Variants in PER3 observed in about 807,000 individuals in gnomAD.
The protein encoded by PER3 is period circadian regulator 3.
In PER3, 107 loss-of-function variants were observed where a neutral mutation model predicts 127.2. That is an observed-to-expected ratio of 0.84 (90% confidence interval 0.72 to 0.99). The LOEUF is 0.99. Among genes scored for constraint, PER3 ranks in the 50% least tolerant of loss-of-function variants. The pLI is 0.00. For synonymous variants in PER3, 618 were observed against 585.8 expected (o/e 1.05, Z -0.79); for missense variants, 1,560 against 1,525.8 (o/e 1.02, Z -0.37).
At position 7,803,114 on chromosome 1, in the gene PER3, C is replaced by G; in HGVS notation, c.940C>G (p.Pro314Ala). 1 of 1,613,360 alleles carries G rather than the reference C, an allele frequency of 6.2e-7. No homozygotes were observed. Among genetic ancestry groups the G allele is most frequent in the Non-Finnish European group, 8.5e-7 (1 of 1,179,378 alleles). ...IGTSILSYLH[P>A]EDRSLMVAIH... ...AACATCGATCCTAAGCTACCTGCAC[C>G]CTGAAGATCGTTCTCTGATGGTTGC... Residue 314 changes from proline (P) to alanine (A), a missense_variant, in exon 9 of 22, where the codon CCT (proline) becomes GCT (alanine). Pro to Ala is a conservative substitution (Grantham distance 27). Coordinates refer to ENST00000377532, the MANE Select transcript of PER3 (RefSeq NM_001377275.1).
At chr1:7,806,809 A>AT (rs57068554) in intron 10 of PER3, among the ~76,000 whole-genome samples, 8,714 of 79,758 alleles carry the variant, frequency 0.11, 314 homozygotes, top group South Asian at 0.18. Context: ...AAAAAAAAAA[A>AT]AAAATATATA....
chr1:7,830,791 T>A lies in PER3; in HGVS notation c.3214+630T>A, dbSNP rs150408257. Among the ~76,000 whole-genome samples, 9 of 152,306 alleles carry A rather than the reference T, an allele frequency of 5.9e-5. No individual in the cohort carries two copies. The East Asian group carries it at 1.7e-3, about 29-fold the overall frequency. On this transcript the variant is annotated intron_variant, in intron 19 of 21. Transcript: ENST00000377532. ...TGAAAATAACTTGACCATACACGTG[T>A]GGGTGTATTTCTGGACTCTCTTTTC...
At chr1:7,832,566 G>T (rs1342270875) in intron 19 of PER3, among the ~76,000 whole-genome samples, 1 of 151,254 alleles carries the variant, frequency 6.6e-6, no homozygotes, top group African/African-American at 2.4e-5. Flanking sequence ...GTAGAGACGG[G>T]GTTTCACCAT....
intron 9 of PER3, 151 bp from the exon 10 acceptor site, chr1:7,803,541 T>G: frequency 1.7e-6 from 1 of 594,218 alleles, no homozygotes; most frequent in Non-Finnish European, 3.0e-6. Context: ...TGAGCCAATA[T>G]CATGCCACTG....
chr1:7,822,181 G>A (rs1197616946), intron 16 of PER3, among the ~76,000 whole-genome samples: 1 of 152,060 alleles, frequency 6.6e-6, no homozygotes, highest in East Asian at 1.9e-4. Flanking sequence ...CAAGACAGGA[G>A]GATTGTTTGA....
intron 19 of PER3, among the ~76,000 whole-genome samples, chr1:7,830,562 G>A (rs1430500299): frequency 2.6e-5 from 4 of 152,240 alleles, no homozygotes; most frequent in East Asian, 1.9e-4. Flanking sequence ...GCTGTCTTTC[G>A]TATTCGGATT....
chr1:7,844,031 T>A lies in PER3; in HGVS notation c.*1276T>A. The A allele has an allele frequency of 9.4e-7, 1 of 1,059,254 alleles. No individual in the cohort carries two copies. The highest frequency in any genetic ancestry group is 1.2e-6 in the Non-Finnish European group (1 of 842,146). 65.6% of individuals were successfully genotyped at this position (1,059,254 alleles called of 1,614,324 possible). A position where few individuals can be genotyped will look rare whatever the true frequency, so the allele number is the denominator to read the frequency against. ...TTTATATAACTTGCAACAAACTAAT[T>A]TATTTTTTTTTCCTTTTTTTGTTTT... On this transcript the variant is annotated 3_prime_UTR_variant, in exon 22 of 22. Transcript: ENST00000377532.
intron 13 of PER3, among the ~76,000 whole-genome samples, chr1:7,814,623 T>A (rs577376349): frequency 9.8e-5 from 15 of 152,318 alleles, no homozygotes; most frequent in Middle Eastern, 3.4e-3. Flanking sequence ...AAAACTTGGA[T>A]CTACACAAAG....
chr1:7,805,336 G>A (rs749474421), intron 10 of PER3, among the ~76,000 whole-genome samples: 24 of 152,150 alleles, frequency 1.6e-4, no homozygotes, highest in Non-Finnish European at 3.4e-4. Flanking sequence ...ACATGAACAT[G>A]AACCTGAGAA....
chr1:7,792,420 G>A (rs2097126085), intron 5 of PER3, among the ~76,000 whole-genome samples: 1 of 152,114 alleles, frequency 6.6e-6, no homozygotes, highest in Non-Finnish European at 1.5e-5. Context: ...GATTTGGGTG[G>A]GGACACAGCC....
At chr1:7,806,808 AAAAAATATATATAT>A (rs1485904349) in intron 10 of PER3, among the ~76,000 whole-genome samples, 93 of 60,812 alleles carry the variant, frequency 1.5e-3, no homozygotes, top group Non-Finnish European at 2.5e-3. Flanking sequence ...AAAAAAAAAA[AAAAAATATATATAT>A]ATATATATAT....
intron 16 of PER3, among the ~76,000 whole-genome samples, chr1:7,823,662 G>A (rs940767814): frequency 2.6e-5 from 4 of 151,020 alleles, no homozygotes; most frequent in Non-Finnish European, 5.9e-5. Flanking sequence ...AAAAAAAAAA[G>A]CTATGAAGCA....
Position 7,827,141 on chromosome 1 carries a change from CGGTCG to C in PER3, c.2214_2218del (p.Ser739ArgfsTer122), listed in dbSNP as rs768819021. 6.2e-7 allele frequency: 1 copy of C among 1,602,800 alleles called. No individual in the cohort carries two copies. The highest frequency in any genetic ancestry group is 8.5e-7 in the Non-Finnish European group (1 of 1,175,138). ...AGGAGATTCTACTTCCAAGCAGACG[CGGTCG>C]GCCGGCTGCAGGAAAGGGAAGCACA... On this transcript the variant is annotated frameshift_variant, in exon 18 of 22. Coordinates refer to ENST00000377532, the MANE Select transcript of PER3 (RefSeq NM_001377275.1). LOFTEE classifies it high-confidence loss of function.
chr1:7,827,775 C>A lies in PER3; in HGVS notation c.2846C>A (p.Pro949Gln). The change falls in exon 18 of 22, where the codon CCA becomes CAA. Residue 949 changes from proline (P) to glutamine (Q), a missense_variant. Pro to Gln is a moderately conservative substitution (Grantham distance 76). Transcript: ENST00000377532. ...GAGATGCCCAGACCCTCTGAATCTC[C>A]AGATCAGATGAGAAGGAACACGTGC... is the stretch of plus-strand genomic sequence containing the variant. ...QEEMPRPSES[P>Q]DQMRRNTCPQ... is the part of the protein sequence containing the mutation. 6.2e-7 allele frequency: 1 copy of A among 1,613,842 alleles called. No homozygotes were observed. The highest frequency in any genetic ancestry group is 8.5e-7 in the Non-Finnish European group (1 of 1,179,888).
intron 5 of PER3, among the ~76,000 whole-genome samples, chr1:7,793,458 G>T (rs1286987125): frequency 1.3e-5 from 2 of 152,088 alleles, no homozygotes; most frequent in Non-Finnish European, 2.9e-5. Flanking sequence ...GTCATAAAAC[G>T]ATTCTATCAT....
At chr1:7,805,901 T>G (rs2097190607) in intron 10 of PER3, among the ~76,000 whole-genome samples, 1 of 152,216 alleles carries the variant, frequency 6.6e-6, no homozygotes, top group African/African-American at 2.4e-5. Flanking sequence ...TTTAAAAAAT[T>G]ACACTGGTAT....
At position 7,785,520 on chromosome 1, in the gene PER3, A is replaced by G. The variant is rs2097083481; in HGVS notation, c.208A>G (p.Arg70Gly). The G allele has an allele frequency of 1.9e-6, 3 of 1,612,204 alleles. No individual in the cohort carries two copies. Among genetic ancestry groups the G allele is most frequent in the African/African-American group, 1.3e-5 (1 of 74,880 alleles). ...QEMKKYFPSE[R>G]RNKPSTLDAL... ...AATGAAAAAATACTTCCCCTCGGAG[A>G]GACGCAATAAACCAAGCACTCTAGA... The change falls in exon 3 of 22, where the codon AGA (arginine) becomes GGA (glycine). Residue 70 changes from arginine (R) to glycine (G), a missense_variant. This residue lies in a region of PER3 where 1,332 missense variants were observed against 1,223.6 expected (regional missense o/e 1.09). Transcript: ENST00000377532.
At position 7,785,287 on chromosome 1, in the gene PER3, C is replaced by G. The variant is rs142060420; in HGVS notation, c.129-154C>G. Among the ~76,000 whole-genome samples the G allele has an allele frequency of 3.2e-4, 48 of 152,252 alleles. No individual in the cohort carries two copies. The Middle Eastern group carries it at 0.01, about 32-fold the overall frequency. On this transcript the variant is annotated intron_variant, in intron 2 of 21. Coordinates refer to ENST00000377532, the MANE Select transcript of PER3 (RefSeq NM_001377275.1). ...TTGTCATTCACCAGTTGCTTTGCCT[C>G]GAGTTCCCCACCTAGAGGAAGAGGG...
chr1:7,787,849 G>C (rs900374576), intron 4 of PER3, 196 bp from the exon 5 acceptor site: 1 of 593,254 alleles, frequency 1.7e-6, no homozygotes, highest in South Asian at 2.0e-5. Flanking sequence ...CCTTCAGTAG[G>C]TGAAGTGCAG....
Sources: allele counts gnomAD v4.1 joint callset (sites outside exome capture counted in the v4.1 genomes callset), GRCh38; gene constraint gnomAD v4.1.1; regional missense constraint gnomAD v4.1.1; transcripts MANE v1.5; gene names NCBI Gene and HGNC (gene_info 2026-07-23, HGNC 2026-07-21).